The following ERMAP variants were observed in gnomAD, a reference collection of about 807,000 sequenced individuals.
ERMAP encodes the protein erythroid membrane-associated protein.
ERMAP carries 34 observed loss-of-function variants against 49.5 expected under a neutral mutation model. That is an observed-to-expected ratio of 0.69 (90% CI 0.52 to 0.91). The LOEUF (loss-of-function observed/expected upper bound fraction) is 0.91. Among genes scored for constraint, ERMAP ranks in the 40% least tolerant of loss-of-function variants. The pLI is 0.00. For synonymous variants in ERMAP, 214 were observed against 232.2 expected (o/e 0.92, Z 0.71); for missense variants, 541 against 582.6 (o/e 0.93, Z 0.74).
chr1:42,840,922 T>G (rs1043635078), intron 11 of ERMAP, among the ~76,000 whole-genome samples: 1 of 152,192 alleles, frequency 6.6e-6, no homozygotes, highest in Non-Finnish European at 1.5e-5. Context: ...TGATTGAGAT[T>G]CTCAGAGAAG....
chr1:42,835,863 C>T, intron 6 of ERMAP, 99 bp downstream of exon 6: 1 of 1,504,984 alleles, frequency 6.6e-7, no homozygotes, highest in East Asian at 2.5e-5. Flanking sequence ...CTGAAAATTC[C>T]ATTATCTGCT....
At chr1:42,838,041 G>A (rs886879709) in intron 7 of ERMAP, 2 of 152,188 alleles carry the variant, frequency 1.3e-5, no homozygotes, top group African/African-American at 4.8e-5. Flanking sequence ...TCACTTACTA[G>A]CTGGAAGACC....
chr1:42,826,783 G>C lies in ERMAP; in HGVS notation c.-6+1045G>C, dbSNP rs183107889. 4.1e-3 allele frequency among the ~76,000 whole-genome samples: 619 copies of C among 151,178 alleles called. 5 individuals are homozygous for C. Among genetic ancestry groups the C allele is most frequent in the African/African-American group, 0.015 (596 of 41,086 alleles). Reference sequence around the variant, plus strand: ...AGGCAGGAGAATTGCTTGAACCTGGGAGGCAGAGGTTGCAGTGATCTGAGA... The same window carrying C: ...AGGCAGGAGAATTGCTTGAACCTGGCAGGCAGAGGTTGCAGTGATCTGAGA... On this transcript the variant is annotated intron_variant, in intron 2 of 11. Transcript: ENST00000372517.
intron 8 of ERMAP, chr1:42,839,145 C>A: frequency 1.5e-6 from 1 of 658,216 alleles, no homozygotes; most frequent in South Asian, 2.0e-5. Flanking sequence ...AAACGTTTCA[C>A]CAGGAAGAGA....
Position 42,842,600 on chromosome 1 carries a change from C to T in ERMAP, c.796C>T (p.Arg266Trp), listed in dbSNP as rs772808307. ...AAGATGTGTAAGGCTTGGAGACAGA[C>T]GGCAGCCTGTACCTGACAACCCCCA... ...DQRCVRLGDR[R>W]QPVPDNPQRF... Residue 266 changes from arginine to tryptophan, a missense_variant, in exon 12 of 12, where the codon CGG becomes TGG. Coordinates refer to ENST00000372517, the MANE Select transcript of ERMAP (RefSeq NM_001017922.2). The T allele has an allele frequency of 9.2e-5, 148 of 1,614,192 alleles. 1 individual carries two copies. In the East Asian group the frequency reaches 2.8e-3, roughly 30 times the overall value.
chr1:42,832,179 ATTTTTTTTTTTTT>A lies in ERMAP; in HGVS notation c.433+1081_433+1093del, dbSNP rs75673269. Among the ~76,000 whole-genome samples, 141 of 96,746 alleles carry A rather than the reference ATTTTTTTTTTTTT, an allele frequency of 1.5e-3. 1 individual carries two copies. The highest frequency in any genetic ancestry group is 2.0e-3 in the Admixed American group (17 of 8,532). 63.5% of individuals were successfully genotyped at this position (96,746 alleles called of 152,430 possible). A position where few individuals can be genotyped will look rare whatever the true frequency, so the allele number is the denominator to read the frequency against. ...TTGGAGTCCTTTGGGGTGAAAATTA[ATTTTTTTTTTTTT>A]TTTTTTTTTTTTTTTTGAGATGGAG... On this transcript the variant is annotated intron_variant, in intron 4 of 11. Coordinates refer to ENST00000372517, the MANE Select transcript of ERMAP (RefSeq NM_001017922.2).
At chr1:42,842,458 A>G in intron 11 of ERMAP, 59 bp from the exon 12 acceptor site, 2 of 1,479,602 alleles carry the variant, frequency 1.4e-6, no homozygotes, top group South Asian at 1.3e-5. Context: ...CTCCAAAGCC[A>G]TCCCCAAATC....
chr1:42,836,020 G>A (rs970430877), intron 6 of ERMAP, among the ~76,000 whole-genome samples: 2 of 152,100 alleles, frequency 1.3e-5, no homozygotes, highest in Non-Finnish European at 2.9e-5. Context: ...CGAGTAGCTT[G>A]AACATGGGGG....
chr1:42,830,365 G>A (rs1431982079), intron 2 of ERMAP, 79 bp from the exon 3 acceptor site: 14 of 1,279,550 alleles, frequency 1.1e-5, no homozygotes, highest in Admixed American at 1.7e-5. Context: ...ATACCGTCTC[G>A]GCCTCGGCTC....
At position 42,817,443 on chromosome 1, in the gene ERMAP, G is replaced by A. The variant is rs530465421; in HGVS notation, c.-122+190G>A. On this transcript the variant is annotated intron_variant, in intron 1 of 11. Coordinates refer to ENST00000372517, the MANE Select transcript of ERMAP (RefSeq NM_001017922.2). ...CGTAGAGGGCGGGGCGGGGCAAGCC[G>A]GTGCCGGGGCGGGGCAGGGGCGGAG... 45 of 217,154 alleles carry A rather than the reference G, an allele frequency of 2.1e-4. No homozygotes were observed. In the East Asian group the frequency reaches 6.7e-3, roughly 32 times the overall value. 13.5% of individuals were successfully genotyped at this position (217,154 alleles called of 1,614,324 possible). A position where few individuals can be genotyped will look rare whatever the true frequency, so the allele number is the denominator to read the frequency against.
At chr1:42,837,308 C>CAT (rs1490799966) in intron 7 of ERMAP, 118 bp downstream of exon 7, 23 of 1,058,326 alleles carry the variant, frequency 2.2e-5, no homozygotes, top group Non-Finnish European at 3.2e-5. Context: ...CACATGCACA[C>CAT]ATATATCCTC....
At position 42,843,335 on chromosome 1, in the gene ERMAP, C is replaced by T; in HGVS notation, c.*103C>T. The T allele has an allele frequency of 2.6e-6, 2 of 781,998 alleles. No individual in the cohort carries two copies. Among genetic ancestry groups the T allele is most frequent in the Non-Finnish European group, 2.0e-6 (1 of 504,226 alleles). 48.4% of individuals were successfully genotyped at this position (781,998 alleles called of 1,614,324 possible). A position where few individuals can be genotyped will look rare whatever the true frequency, so the allele number is the denominator to read the frequency against. On this transcript the variant is annotated 3_prime_UTR_variant, in exon 12 of 12. Coordinates refer to ENST00000372517, the MANE Select transcript of ERMAP (RefSeq NM_001017922.2). ...TTATGGAACGTCTCTTCACCTTAAC[C>T]CAAATCCAGACCCTTTTGTGGTTTC...
chr1:42,835,610 C>T lies in ERMAP; in HGVS notation c.551-122C>T, dbSNP rs1010555476. 8 of 1,294,746 alleles carry T rather than the reference C, an allele frequency of 6.2e-6. No homozygotes were observed. In the African/African-American group the frequency reaches 9.0e-5, roughly 15 times the overall value. The allele number at this position is 1,294,746 out of a possible 1,614,324, so 80.2% of individuals were successfully genotyped here. ...GAAGACTCTCTAATCCTTTCAAATG[C>T]CCGCTTACCTGTAGTGACAAGGAGT... On this transcript the variant is annotated intron_variant, in intron 5 of 11. Coordinates refer to ENST00000372517, the MANE Select transcript of ERMAP (RefSeq NM_001017922.2).
At position 42,842,979 on chromosome 1, in the gene ERMAP, G is replaced by A. The variant is rs78655996; in HGVS notation, c.1175G>A (p.Arg392His). 59 of 1,614,018 alleles carry A rather than the reference G, an allele frequency of 3.7e-5. No individual in the cohort carries two copies. The highest frequency in any genetic ancestry group is 3.1e-4 in the East Asian group (14 of 44,878). Residue 392 changes from arginine (R) to histidine (H), a missense_variant, in exon 12 of 12, where the codon CGC becomes CAC. By Grantham distance (29) the Arg-to-His change is conservative. Transcript: ENST00000372517. ...ACCCACAATTTCTCTGGCCCCCTTC[G>A]CCCTTTCTTTGAACCTTGCCTTCAT... is the stretch of plus-strand genomic sequence containing the variant. Reference protein sequence around the residue: ...TFTHNFSGPLRPFFEPCLHDG... With the variant: ...TFTHNFSGPLHPFFEPCLHDG...
At chr1:42,840,490 C>T (rs1194913527) in intron 11 of ERMAP, among the ~76,000 whole-genome samples, 194 bp downstream of exon 11, 1 of 152,090 alleles carries the variant, frequency 6.6e-6, no homozygotes, top group East Asian at 1.9e-4. Context: ...TAGAAAGTAT[C>T]CCCTCTTTTA....
At chr1:42,831,573 C>CTT (rs1557609257) in intron 4 of ERMAP, among the ~76,000 whole-genome samples, 4 of 29,424 alleles carry the variant, frequency 1.4e-4, no homozygotes, top group African/African-American at 4.6e-4. Context: ...TTTTTTTTTT[C>CTT]TCTTTTTTTT....
chr1:42,834,950 G>A, intron 4 of ERMAP, 88 bp from the exon 5 acceptor site: 1 of 751,934 alleles, frequency 1.3e-6, no homozygotes, highest in Non-Finnish European at 2.5e-6. Flanking sequence ...GAGAGTGTTG[G>A]GATGTGCTGG....
Position 42,831,083 on chromosome 1 carries a change from G to A in ERMAP, c.401G>A (p.Ser134Asn), listed in dbSNP as rs1415881807. 1 of 1,614,252 alleles carries A rather than the reference G, an allele frequency of 6.2e-7. No individual in the cohort carries two copies. Among genetic ancestry groups the A allele is most frequent in the Non-Finnish European group, 8.5e-7 (1 of 1,180,044 alleles). The change falls in exon 4 of 12, where the codon AGT becomes AAT. Residue 134 changes from serine (S) to asparagine (N), a missense_variant. Physicochemically the swap from Ser to Asn is conservative, Grantham distance 46. Transcript: ENST00000372517. ...TGTCTGATCCAAGTTGGAAATCTGA[G>A]TAAAGAGGACACCGTGATCCTGCAG... Reference protein sequence around the residue: ...YRCLIQVGNLSKEDTVILQVA... With the variant: ...YRCLIQVGNLNKEDTVILQVA...
rs1654853173 is a variant in ERMAP, at chr1:42,835,062, C to A, written c.458C>A (p.Pro153His). 2.0e-6 allele frequency: 3 copies of A among 1,525,048 alleles called. No homozygotes were observed. The highest frequency in any genetic ancestry group is 2.7e-5 in the African/African-American group (2 of 73,316). 94.5% of individuals were successfully genotyped at this position (1,525,048 alleles called of 1,614,324 possible). A position where few individuals can be genotyped will look rare whatever the true frequency, so the allele number is the denominator to read the frequency against. Residue 153 changes from proline to histidine, a missense_variant, in exon 5 of 12, where the codon CCC becomes CAC. Physicochemically the swap from Pro to His is moderately conservative, Grantham distance 77. Transcript: ENST00000372517. Reference sequence around the variant, plus strand: ...GCCCCATCTGTGGGGAGTCTCTCCCCCTCAGCAGTGGCTCTGGCTGTGATC... The same window carrying A: ...GCCCCATCTGTGGGGAGTCTCTCCCACTCAGCAGTGGCTCTGGCTGTGATC... ...VAAPSVGSLS[P>H]SAVALAVILP...
Sources: allele counts gnomAD v4.1 joint callset (sites outside exome capture counted in the v4.1 genomes callset), GRCh38; gene constraint gnomAD v4.1.1; transcripts MANE v1.5; gene names NCBI Gene and HGNC (gene_info 2026-07-23, HGNC 2026-07-21).